The following PDE4D variants were observed in gnomAD, a reference collection of about 807,000 sequenced individuals.
PDE4D encodes the protein phosphodiesterase 4D.
A neutral mutation model predicts 87.4 loss-of-function variants in PDE4D; 24 were observed. The observed-to-expected ratio is 0.27, with a 90% CI of 0.20 to 0.39. The LOEUF (loss-of-function observed/expected upper bound fraction) is 0.39. Ranked by LOEUF, PDE4D falls within the 10% of genes least tolerant of loss-of-function variation. The pLI is 1.00. For missense variants in PDE4D, 714 were observed against 1,041.0 expected (o/e 0.69, Z 4.32); for synonymous variants, 384 against 383.2 (o/e 1.00, Z -0.02).
intron 5 of PDE4D, among the ~76,000 whole-genome samples, chr5:59,044,542 C>T (rs1760296847): frequency 6.6e-6 from 1 of 152,204 alleles, no homozygotes; most frequent in African/African-American, 2.4e-5. Flanking sequence ...TAGTTTGCTA[C>T]AGTAAAAGAT....
At chr5:59,688,801 C>G (rs1397681038) in intron 1 of PDE4D, among the ~76,000 whole-genome samples, 1 of 151,896 alleles carries the variant, frequency 6.6e-6, no homozygotes, top group African/African-American at 2.4e-5. Context: ...TTGAAAAGAT[C>G]AACAAAATTG....
intron 2 of PDE4D, among the ~76,000 whole-genome samples, chr5:60,005,298 G>C (rs1339305793): frequency 6.6e-6 from 1 of 151,986 alleles, no homozygotes; most frequent in Non-Finnish European, 1.5e-5. Context: ...CCAGAATCTG[G>C]GACATGGTAG....
At chr5:60,302,114 G>A (rs1277068767) in intron 1 of PDE4D, among the ~76,000 whole-genome samples, 1 of 152,176 alleles carries the variant, frequency 6.6e-6, no homozygotes, top group Non-Finnish European at 1.5e-5. Context: ...TGATCATCAA[G>A]GATATTGGCC....
intron 1 of PDE4D, among the ~76,000 whole-genome samples, chr5:60,495,040 C>G (rs550251820): frequency 6.6e-6 from 1 of 152,334 alleles, no homozygotes; most frequent in South Asian, 2.1e-4. Flanking sequence ...GTCTTCCTCT[C>G]TACCTCCAGA....
At chr5:59,643,655 T>C (rs1223875453) in intron 1 of PDE4D, among the ~76,000 whole-genome samples, 1 of 152,252 alleles carries the variant, frequency 6.6e-6, no homozygotes, top group Non-Finnish European at 1.5e-5. Flanking sequence ...TTACTCAAAT[T>C]AGCTCTTTGT....
At chr5:59,819,896 G>A (rs1407434055) in intron 1 of PDE4D, among the ~76,000 whole-genome samples, 2 of 152,172 alleles carry the variant, frequency 1.3e-5, no homozygotes, top group African/African-American at 4.8e-5. Flanking sequence ...AATTTCCCTA[G>A]AGACAACAGA....
At chr5:59,170,663 A>G (rs1343795683) in intron 5 of PDE4D, among the ~76,000 whole-genome samples, 1 of 152,194 alleles carries the variant, frequency 6.6e-6, no homozygotes, top group Non-Finnish European at 1.5e-5. Context: ...ATGTGTGCCT[A>G]TTGCCCACAT....
At chr5:59,752,120 G>A (rs1760571930) in intron 1 of PDE4D, among the ~76,000 whole-genome samples, 1 of 152,078 alleles carries the variant, frequency 6.6e-6, no homozygotes, top group African/African-American at 2.4e-5. Flanking sequence ...TCTAACACCT[G>A]TTAGGTCATA....
At chr5:59,332,328 T>A (rs1030959451) in intron 1 of PDE4D, among the ~76,000 whole-genome samples, 3 of 152,162 alleles carry the variant, frequency 2.0e-5, no homozygotes, top group Non-Finnish European at 4.4e-5. Context: ...TTGGTGACAT[T>A]TTTAAAAACT....
intron 1 of PDE4D, among the ~76,000 whole-genome samples, chr5:60,243,403 C>T (rs1319437307): frequency 6.6e-6 from 1 of 151,834 alleles, no homozygotes; most frequent in African/African-American, 2.4e-5. Flanking sequence ...TAAAGAAGAA[C>T]TAATAACAAT....
intron 2 of PDE4D, among the ~76,000 whole-genome samples, chr5:60,180,150 A>G (rs1784261921): frequency 6.6e-6 from 1 of 152,218 alleles, no homozygotes; most frequent in African/African-American, 2.4e-5. Context: ...ATGACAATTT[A>G]ATGATTGGCT....
chr5:60,292,424 A>C (rs528957224), intron 1 of PDE4D, among the ~76,000 whole-genome samples: 1 of 152,214 alleles, frequency 6.6e-6, no homozygotes, highest in Non-Finnish European at 1.5e-5. Context: ...TGCGAAATAC[A>C]TATTGTTCTT....
chr5:60,317,013 G>C (rs1343254272), intron 1 of PDE4D, among the ~76,000 whole-genome samples: 2 of 149,342 alleles, frequency 1.3e-5, no homozygotes, highest in African/African-American at 4.9e-5. Flanking sequence ...AAATGAGTTA[G>C]GAAGGATTCC....
intron 2 of PDE4D, chr5:60,021,401 T>A (rs1439606645): frequency 6.6e-6 from 1 of 152,186 alleles, no homozygotes; most frequent in Non-Finnish European, 1.5e-5. Flanking sequence ...TGCCTATCGC[T>A]CTTCAAGGAA....
intron 1 of PDE4D, among the ~76,000 whole-genome samples, chr5:59,567,878 A>T (rs1360577337): frequency 6.6e-6 from 1 of 152,198 alleles, no homozygotes; most frequent in Non-Finnish European, 1.5e-5. Flanking sequence ...TCTATCTATC[A>T]TCTATCTATT....
At chr5:58,976,083 G>A (rs1158749784) in intron 13 of PDE4D, among the ~76,000 whole-genome samples, 1 of 152,140 alleles carries the variant, frequency 6.6e-6, no homozygotes, top group African/African-American at 2.4e-5. Context: ...GTGCATGGCT[G>A]ACTAGATTCA....
chr5:59,388,673 C>T (rs1787609979), intron 1 of PDE4D, among the ~76,000 whole-genome samples: 1 of 128,762 alleles, frequency 7.8e-6, no homozygotes, highest in Non-Finnish European at 1.8e-5. Context: ...TCTACCCAGC[C>T]CTGAAAAAGA....
chr5:59,931,012 C>T (rs1372675381), intron 3 of PDE4D, among the ~76,000 whole-genome samples: 1 of 150,490 alleles, frequency 6.6e-6, no homozygotes, highest in African/African-American at 2.4e-5. Context: ...GGATTCTTGT[C>T]TCTCCCTTTT....
chr5:60,414,612 G>T (rs1375891909), intron 1 of PDE4D, among the ~76,000 whole-genome samples: 5 of 152,212 alleles, frequency 3.3e-5, no homozygotes, highest in African/African-American at 1.2e-4. Context: ...ACCTACTTCT[G>T]TTGGTACACA....
Sources: allele counts gnomAD v4.1 joint callset (sites outside exome capture counted in the v4.1 genomes callset), GRCh38; gene constraint gnomAD v4.1.1; transcripts MANE v1.5; gene names NCBI Gene and HGNC (gene_info 2026-07-23, HGNC 2026-07-21).